The following ASIC2 variants were observed in gnomAD, a reference collection of about 807,000 sequenced individuals.
ASIC2 encodes acid-sensing ion channel 2.
A neutral mutation model predicts 57.3 loss-of-function variants in ASIC2; 25 were observed. That is an observed-to-expected ratio of 0.44 (90% CI 0.32 to 0.61). The LOEUF (loss-of-function observed/expected upper bound fraction) is 0.61, where lower values mean the gene tolerates loss of function less well. Ranked by LOEUF, ASIC2 falls within the 20% of genes least tolerant of loss-of-function variation. The pLI is 0.06. For missense variants in ASIC2, 641 were observed against 738.1 expected, an observed-to-expected ratio of 0.87 and a Z score of 1.52; for synonymous variants, 319 against 307.5, an observed-to-expected ratio of 1.04 and a Z score of -0.39.
intron 1 of ASIC2, among the ~76,000 whole-genome samples, chr17:33,657,438 A>G (rs1022040075): frequency 6.6e-6 from 1 of 152,158 alleles, no homozygotes; most frequent in Non-Finnish European, 1.5e-5. Flanking sequence ...CTCACATCTC[A>G]GAAGTCAAGC....
intron 1 of ASIC2, among the ~76,000 whole-genome samples, chr17:33,801,596 A>G (rs557080413): frequency 3.3e-5 from 5 of 152,282 alleles, no homozygotes; most frequent in African/African-American, 1.2e-4. Flanking sequence ...AACATATAGT[A>G]TACATCAAAA....
intron 1 of ASIC2, among the ~76,000 whole-genome samples, chr17:33,622,945 T>C (rs1905846405): frequency 6.6e-6 from 1 of 152,218 alleles, no homozygotes; most frequent in South Asian, 2.1e-4. Flanking sequence ...CCCAGAGAAG[T>C]TGGGGCCTCT....
intron 1 of ASIC2, among the ~76,000 whole-genome samples, chr17:33,302,613 A>T (rs1906004975): frequency 6.6e-6 from 1 of 151,950 alleles, no homozygotes. Flanking sequence ...GGGGTTGTTT[A>T]CTCTCTTTCC....
chr17:33,348,621 G>A (rs1908044271), intron 1 of ASIC2, among the ~76,000 whole-genome samples: 1 of 152,088 alleles, frequency 6.6e-6, no homozygotes, highest in Non-Finnish European at 1.5e-5. Flanking sequence ...AGATTAGGGT[G>A]CATGGAGCAG....
intron 1 of ASIC2, among the ~76,000 whole-genome samples, chr17:34,054,350 A>G (rs1245639263): frequency 6.6e-6 from 1 of 152,218 alleles, no homozygotes; most frequent in Non-Finnish European, 1.5e-5. Flanking sequence ...AAGCTCCAAG[A>G]GGCTGTTATT....
At chr17:33,577,614 C>T (rs1916668689) in intron 1 of ASIC2, among the ~76,000 whole-genome samples, 1 of 152,152 alleles carries the variant, frequency 6.6e-6, no homozygotes, top group Non-Finnish European at 1.5e-5. Context: ...TTCTTACCAA[C>T]CACAGGGGAT....
chr17:33,526,157 C>T (rs954638675), intron 1 of ASIC2, among the ~76,000 whole-genome samples: 3 of 152,150 alleles, frequency 2.0e-5, no homozygotes, highest in African/African-American at 7.2e-5. Flanking sequence ...CTTCACATAT[C>T]CAGCAAAAAT....
At chr17:33,784,981 C>A (rs191532469) in intron 1 of ASIC2, among the ~76,000 whole-genome samples, 2 of 152,234 alleles carry the variant, frequency 1.3e-5, no homozygotes, top group African/African-American at 2.4e-5. Context: ...CTGATTAGTG[C>A]TTTGCATGTT....
At chr17:33,252,340 T>C (rs1908913189) in intron 1 of ASIC2, among the ~76,000 whole-genome samples, 1 of 152,200 alleles carries the variant, frequency 6.6e-6, no homozygotes. Context: ...CAAATGAATG[T>C]CATGCATAAT....
At chr17:33,147,692 C>T (rs576331391) in intron 1 of ASIC2, among the ~76,000 whole-genome samples, 1 of 152,186 alleles carries the variant, frequency 6.6e-6, no homozygotes, top group East Asian at 1.9e-4. Context: ...CAAAAATGAC[C>T]CCACACTACA....
chr17:33,997,857 G>A (rs1300567465), intron 1 of ASIC2, among the ~76,000 whole-genome samples: 1 of 151,916 alleles, frequency 6.6e-6, no homozygotes, highest in African/African-American at 2.4e-5. Flanking sequence ...GTTCTTGTTT[G>A]GCTTTGGTAT....
chr17:33,314,466 G>C (rs895558355), intron 1 of ASIC2, among the ~76,000 whole-genome samples: 8 of 152,144 alleles, frequency 5.3e-5, no homozygotes, highest in African/African-American at 1.9e-4. Flanking sequence ...ATCCCTGGTG[G>C]ACAGGGAGAA....
At chr17:34,115,853 G>C (rs187178375) in intron 1 of ASIC2, among the ~76,000 whole-genome samples, 23 of 152,274 alleles carry the variant, frequency 1.5e-4, no homozygotes, top group African/African-American at 5.3e-4. Context: ...TAGCGCAAGA[G>C]TACATATAAC....
intron 1 of ASIC2, chr17:33,980,845 C>T (rs936708978): frequency 1.3e-5 from 2 of 152,190 alleles, no homozygotes; most frequent in African/African-American, 4.8e-5. Flanking sequence ...TTTCACATTT[C>T]CCATGGCATC....
chr17:34,046,854 ACTCC>A (rs1483483058), intron 1 of ASIC2, among the ~76,000 whole-genome samples: 1 of 151,696 alleles, frequency 6.6e-6, no homozygotes, highest in African/African-American at 2.4e-5. Context: ...CCCTTATAGA[ACTCC>A]CTGTCTGTTA....
intron 1 of ASIC2, among the ~76,000 whole-genome samples, chr17:33,651,716 T>G (rs1906924635): frequency 1.3e-5 from 2 of 152,238 alleles, no homozygotes; most frequent in South Asian, 4.1e-4. Context: ...CAGTCTGCTG[T>G]GGAGAGAGGT....
At chr17:34,003,192 G>T (rs956162320) in intron 1 of ASIC2, 5 of 152,128 alleles carry the variant, frequency 3.3e-5, no homozygotes, top group African/African-American at 9.7e-5. Context: ...AGGGCCCTGT[G>T]GTCTTGATAT....
chr17:33,895,642 T>C (rs1206562014), intron 1 of ASIC2, among the ~76,000 whole-genome samples: 1 of 152,174 alleles, frequency 6.6e-6, no homozygotes, highest in Non-Finnish European at 1.5e-5. Context: ...AACAGACAAA[T>C]AGCTTTTTAA....
At chr17:33,702,585 A>T (rs1908738057) in intron 1 of ASIC2, among the ~76,000 whole-genome samples, 1 of 152,196 alleles carries the variant, frequency 6.6e-6, no homozygotes, top group Admixed American at 6.5e-5. Flanking sequence ...GCCCCGAGGG[A>T]GGAATTAGGG....
Sources: allele counts gnomAD v4.1 joint callset (sites outside exome capture counted in the v4.1 genomes callset), GRCh38; gene constraint gnomAD v4.1.1; transcripts MANE v1.5; gene names NCBI Gene and HGNC (gene_info 2026-07-23, HGNC 2026-07-21).